The following TRIM69 variants were observed in gnomAD, a reference collection of about 807,000 sequenced individuals.
TRIM69 encodes the protein tripartite motif containing 69.
TRIM69 carries 29 observed loss-of-function variants against 37.7 expected under a neutral mutation model. The observed-to-expected ratio is 0.77, with a 90% CI of 0.57 to 1.05. The LOEUF (loss-of-function observed/expected upper bound fraction) is 1.05. Ranked by LOEUF, TRIM69 falls within the 50% of genes least tolerant of loss-of-function variation. TRIM69 has a pLI of 0.00. For synonymous variants in TRIM69, 209 were observed against 212.4 expected, an observed-to-expected ratio of 0.98 and a Z score of 0.14; for missense variants, 596 against 579.9, an observed-to-expected ratio of 1.03 and a Z score of -0.28.
In TRIM69 at chr15:44,755,345, T is replaced by C. The variant is rs149128387; in HGVS notation, c.452T>C (p.Leu151Pro). Residue 151 changes from leucine to proline, a missense_variant, in exon 2 of 7, where the codon CTG becomes CCG. Leu to Pro is a moderately conservative substitution (Grantham distance 98). Coordinates refer to ENST00000329464, the MANE Select transcript of TRIM69 (RefSeq NM_182985.5). ...RLSVGQSKEF[L>P]QISDAVHFFT... ...TCTGTGGGGCAGTCTAAGGAGTTCC[T>C]GCAAATCTCTGATGCTGTCCATTTC... 1 of 1,613,642 alleles carries C rather than the reference T, an allele frequency of 6.2e-7. No individual in the cohort carries two copies. The highest frequency in any genetic ancestry group is 1.7e-5 in the Admixed American group (1 of 59,996).
chr15:44,744,098 C>T (rs1052227904), intron 1 of TRIM69, among the ~76,000 whole-genome samples: 1 of 151,628 alleles, frequency 6.6e-6, no homozygotes, highest in African/African-American at 2.4e-5. Context: ...AAATGTGGCA[C>T]ATATACACCA....
chr15:44,752,048 C>T (rs758799984), intron 1 of TRIM69, among the ~76,000 whole-genome samples: 7 of 152,110 alleles, frequency 4.6e-5, no homozygotes, highest in Non-Finnish European at 7.4e-5. Context: ...AGCCACTGTG[C>T]ACAGCCTGTA....
intron 1 of TRIM69, chr15:44,753,613 T>C (rs2087580684): frequency 6.6e-6 from 1 of 152,228 alleles, no homozygotes; most frequent in Admixed American, 6.5e-5. Context: ...AATTATAATG[T>C]GTCTCATTGT....
chr15:44,747,721 T>G (rs1024124692), intron 1 of TRIM69, among the ~76,000 whole-genome samples: 2 of 152,090 alleles, frequency 1.3e-5, no homozygotes, highest in African/African-American at 4.8e-5. Context: ...ACAGGCTATG[T>G]GAGAAACTAT....
chr15:44,745,884 G>T (rs2087396377), intron 1 of TRIM69, among the ~76,000 whole-genome samples: 1 of 152,172 alleles, frequency 6.6e-6, no homozygotes, highest in Admixed American at 6.6e-5. Context: ...GAATAAAAAT[G>T]AGCAGAGCCT....
chr15:44,760,244 T>G (rs532990188), intron 6 of TRIM69, among the ~76,000 whole-genome samples: 2 of 152,338 alleles, frequency 1.3e-5, no homozygotes, highest in Admixed American at 6.5e-5. Flanking sequence ...ACACTGGGTC[T>G]TTACAGTTTC....
Position 44,767,240 on chromosome 15 carries a change from C to T in TRIM69, c.971C>T (p.Pro324Leu). 6.2e-7 allele frequency: 1 copy of T among 1,612,924 alleles called. No homozygotes were observed. The highest frequency in any genetic ancestry group is 8.5e-7 in the Non-Finnish European group (1 of 1,179,536). ...TTTATTTTCTTACTAGGCCTGTCTC[C>T]ACTAACTCTGGACCCTAAAACAGCT... ...MQDTLCPGLS[P>L]LTLDPKTAHP... is the part of the protein sequence containing the mutation. The change falls in exon 7 of 7, where the codon CCA (proline) becomes CTA (leucine). Residue 324 changes from proline (P) to leucine (L), a missense_variant. Pro to Leu is a moderately conservative substitution (Grantham distance 98, BLOSUM62 -3). Transcript: ENST00000329464.
intron 1 of TRIM69, among the ~76,000 whole-genome samples, chr15:44,747,333 G>A (rs1232805948): frequency 8.6e-5 from 13 of 152,016 alleles, no homozygotes; most frequent in Admixed American, 8.5e-4. Flanking sequence ...TGCAAACATT[G>A]TTTTATAAAG....
chr15:44,759,983 TAC>T, intron 6 of TRIM69, 111 bp downstream of exon 6: 1 of 1,313,778 alleles, frequency 7.6e-7, no homozygotes, highest in South Asian at 1.5e-5. Flanking sequence ...AGGGAAGGGG[TAC>T]AGTTTGGCCA....
chr15:44,742,033 A>G (rs188703545), intron 1 of TRIM69, among the ~76,000 whole-genome samples: 13 of 152,332 alleles, frequency 8.5e-5, no homozygotes, highest in African/African-American at 2.4e-4. Flanking sequence ...ATTTTAGACC[A>G]ATATCCTTGA....
At chr15:44,766,751 C>T (rs1299706416) in intron 6 of TRIM69, among the ~76,000 whole-genome samples, 2 of 151,422 alleles carry the variant, frequency 1.3e-5, no homozygotes, top group Non-Finnish European at 2.9e-5. Context: ...ACATGGATAC[C>T]CAAACAATAA....
Position 44,767,596 on chromosome 15 carries a change from G to A in TRIM69, c.1327G>A (p.Val443Met), listed in dbSNP as rs1040058238. The change falls in exon 7 of 7, where the codon GTG (valine) becomes ATG (methionine). Residue 443 changes from valine (V) to methionine (M), a missense_variant. Physicochemically the swap from Val to Met is conservative, Grantham distance 21. Coordinates refer to ENST00000329464, the MANE Select transcript of TRIM69 (RefSeq NM_182985.5). ...SLTLTNNLDK[V>M]GIYLDYEGGQ... ...GACACTGACTAACAACCTCGACAAGGTGGGCATATACCTGGATTATGAAGG... is the reference window on the plus strand; with the variant it reads ...GACACTGACTAACAACCTCGACAAGATGGGCATATACCTGGATTATGAAGG... The A allele has an allele frequency of 5.0e-6, 8 of 1,614,156 alleles. No homozygotes were observed. Among genetic ancestry groups the A allele is most frequent in the East Asian group, 2.2e-5 (1 of 44,880 alleles).
At chr15:44,740,887 G>T (rs982851162) in intron 1 of TRIM69, among the ~76,000 whole-genome samples, 1 of 152,166 alleles carries the variant, frequency 6.6e-6, no homozygotes, top group African/African-American at 2.4e-5. Context: ...ACACCCCACT[G>T]CCAACATTAG....
chr15:44,767,053 C>CAAAAA lies in TRIM69; in HGVS notation c.962-151_962-147dup, dbSNP rs55736812. Reference sequence around the variant, plus strand: ...CAGCCCTGGGCAACCTTGTCTGCCTCAAAAAAAAAAAAAAAAAAAAAAAAA... The same window carrying CAAAAA: ...CAGCCCTGGGCAACCTTGTCTGCCTCAAAAAAAAAAAAAAAAAAAAAAAAAAAAAA... On this transcript the variant is annotated intron_variant, in intron 6 of 6. Transcript: ENST00000329464. 1.1e-3 allele frequency among the ~76,000 whole-genome samples: 27 copies of CAAAAA among 24,310 alleles called. 1 individual carries two copies. Among genetic ancestry groups the CAAAAA allele is most frequent in the East Asian group, 5.7e-3 (3 of 526 alleles). 15.9% of individuals were successfully genotyped at this position (24,310 alleles called of 152,430 possible). A position where few individuals can be genotyped will look rare whatever the true frequency, so the allele number is the denominator to read the frequency against.
At chr15:44,742,168 C>T (rs1194722577) in intron 1 of TRIM69, among the ~76,000 whole-genome samples, 3 of 149,858 alleles carry the variant, frequency 2.0e-5, no homozygotes, top group African/African-American at 4.9e-5. Context: ...TCAATATACG[C>T]AAATCAATAA....
chr15:44,767,079 AAAAAAG>A, intron 6 of TRIM69, 146 bp from the exon 7 acceptor site: 1 of 382,020 alleles, frequency 2.6e-6, no homozygotes, highest in South Asian at 1.1e-4. Context: ...AAAAAAAAAA[AAAAAAG>A]CATATAAGTA....
intron 2 of TRIM69, 70 bp from the exon 3 acceptor site, chr15:44,756,298 T>C (rs1264721747): frequency 9.0e-7 from 1 of 1,105,258 alleles, no homozygotes; most frequent in Admixed American, 2.1e-5. Context: ...ACTGGGGCCT[T>C]GGGGAAGATG....
chr15:44,744,396 T>G (rs1596017575), intron 1 of TRIM69, among the ~76,000 whole-genome samples: 3 of 150,606 alleles, frequency 2.0e-5, no homozygotes, highest in Non-Finnish European at 4.4e-5. Flanking sequence ...ACATGGCACA[T>G]GTATACATAT....
Position 44,767,726 on chromosome 15 carries a change from ATGG to A in TRIM69, c.1461_1463del (p.Gly488del). ...CCCTACTTCTGCCCCTGCCTTAATG[ATGG>A]TGGAGAGAATAAAGAACCATTGCAC... On this transcript the variant is annotated inframe_deletion, in exon 7 of 7. Coordinates refer to ENST00000329464, the MANE Select transcript of TRIM69 (RefSeq NM_182985.5). The A allele has an allele frequency of 6.2e-7, 1 of 1,613,884 alleles. No homozygotes were observed. The highest frequency in any genetic ancestry group is 8.5e-7 in the Non-Finnish European group (1 of 1,180,030).
Sources: allele counts gnomAD v4.1 joint callset (sites outside exome capture counted in the v4.1 genomes callset), GRCh38; gene constraint gnomAD v4.1.1; transcripts MANE v1.5; gene names NCBI Gene and HGNC (gene_info 2026-07-23, HGNC 2026-07-21).